NEK1: variants seen among roughly 807,000 people sequenced by gnomAD.
The protein encoded by NEK1 is serine/threonine-protein kinase Nek1.
A neutral mutation model predicts 182.1 loss-of-function variants in NEK1; 137 were observed. The ratio of observed to expected loss-of-function variants is 0.75; its 90% CI spans 0.65 to 0.87. The LOEUF (loss-of-function observed/expected upper bound fraction) is 0.87, where lower values mean the gene tolerates loss of function less well. Ranked by LOEUF, NEK1 falls within the 40% of genes least tolerant of loss-of-function variation. NEK1 has a pLI of 0.00. For missense variants in NEK1, 1,391 were observed against 1,494.4 expected, an observed-to-expected ratio of 0.93 and a Z score of 1.14; for synonymous variants, 513 against 492.2, an observed-to-expected ratio of 1.04 and a Z score of -0.56.
At chr4:169,528,992 G>A (rs1757290959) in intron 19 of NEK1, among the ~76,000 whole-genome samples, 1 of 152,072 alleles carries the variant, frequency 6.6e-6, no homozygotes, top group Non-Finnish European at 1.5e-5. Flanking sequence ...CAAACACTTG[G>A]AAATTAAACA....
At chr4:169,411,440 C>T (rs1055196759) in intron 31 of NEK1, among the ~76,000 whole-genome samples, 2 of 152,136 alleles carry the variant, frequency 1.3e-5, no homozygotes, top group African/African-American at 2.4e-5. Context: ...GACTTTCGGG[C>T]CTCAGCCTCC....
intron 19 of NEK1, among the ~76,000 whole-genome samples, chr4:169,520,992 C>T (rs2149745483): frequency 1.7e-5 from 1 of 57,572 alleles, no homozygotes; most frequent in East Asian, 4.3e-4. Flanking sequence ...GAGGTGGAGC[C>T]TACAGAGGCA....
chr4:169,432,706 AAAG>A (rs1197180709), intron 29 of NEK1, among the ~76,000 whole-genome samples: 12 of 152,210 alleles, frequency 7.9e-5, no homozygotes, highest in African/African-American at 2.9e-4. Context: ...GAAATATATG[AAAG>A]AAGACAAGAG....
intron 26 of NEK1, among the ~76,000 whole-genome samples, chr4:169,474,937 T>C (rs904967791): frequency 3.3e-5 from 5 of 152,134 alleles, no homozygotes; most frequent in African/African-American, 1.2e-4. Flanking sequence ...GTTATGCTGC[T>C]CCCTAAATAA....
rs543224510 is a variant in NEK1, at chr4:169,438,121, G to C, written c.2726C>G (p.Ser909Cys). ...TTCCAGTTTCAATGACATCTGTGGA[G>C]ATGCCTCACTGAACTCGGGACTTTT... ...ETKSPEFSEASPQMSLKLEGN... is the reference protein window; with the variant it reads ...ETKSPEFSEACPQMSLKLEGN... The change falls in exon 28 of 36, where the codon TCT (serine) becomes TGT (cysteine). Residue 909 changes from serine (S) to cysteine (C), a missense_variant. Transcript: ENST00000507142. 1.9e-4 allele frequency: 304 copies of C among 1,612,392 alleles called. 5 individuals are homozygous for C. The South Asian group carries it at 3.0e-3, about 16-fold the overall frequency.
At chr4:169,445,865 T>TATATACACACAC (rs569539235) in intron 27 of NEK1, among the ~76,000 whole-genome samples, 7,547 of 142,968 alleles carry the variant, frequency 0.053, 274 homozygotes, top group East Asian at 0.13. Context: ...TATATATATA[T>TATATACACACAC]ACACACACAC....
In NEK1 at chr4:169,450,644, G is replaced by T. The variant is rs140366698; in HGVS notation, c.2588-12385C>A. On this transcript the variant is annotated intron_variant, in intron 27 of 35. Transcript: ENST00000507142. ...AAGAAAATGCTGAGGGATTACAAGA[G>T]CTCCTGAAGGAAGCACTAAACATGG... Among the ~76,000 whole-genome samples the T allele has an allele frequency of 1.6e-3, 247 of 150,858 alleles. 2 individuals are homozygous for T. The highest frequency in any genetic ancestry group is 3.2e-3 in the Non-Finnish European group (213 of 67,112).
At position 169,424,679 on chromosome 4, in the gene NEK1, T is replaced by C. The variant is rs1433409962; in HGVS notation, c.3096A>G (p.Ser1032=). The C allele has an allele frequency of 1.9e-6, 3 of 1,613,916 alleles. No homozygotes were observed. The highest frequency in any genetic ancestry group is 2.5e-6 in the Non-Finnish European group (3 of 1,179,834). ...EHLNLVPQVQ[S]VQCSPEESFA... is the part of the protein sequence containing the mutation. ...AGGATTCTTCTGGTGAACACTGAAC[T>C]GATTGAACTTGAGGGACTAAGTTCA... Residue 1032 remains serine, a synonymous_variant, in exon 31 of 36, where the codon TCA becomes TCG. Transcript: ENST00000507142.
chr4:169,402,082 T>C (rs993358286), intron 32 of NEK1, among the ~76,000 whole-genome samples: 2 of 152,178 alleles, frequency 1.3e-5, no homozygotes, highest in African/African-American at 4.8e-5. Flanking sequence ...ACAACACATA[T>C]TCTGGAATAT....
intron 23 of NEK1, among the ~76,000 whole-genome samples, chr4:169,500,744 C>T (rs999263286): frequency 6.6e-6 from 1 of 152,066 alleles, no homozygotes; most frequent in African/African-American, 2.4e-5. Context: ...AGATAGGCCC[C>T]ACAAAAATGC....
rs146497883 is a variant in NEK1, at chr4:169,513,573, T to C, written c.1666-4721A>G. On this transcript the variant is annotated intron_variant, in intron 19 of 35. Transcript: ENST00000507142. ...ATTCTGTATGCCCCTTCTTGCTTTA[T>C]TGCAGTAACTACAACTTACAGTACA... 1.2e-3 allele frequency among the ~76,000 whole-genome samples: 187 copies of C among 152,314 alleles called. 2 individuals are homozygous for C. Among genetic ancestry groups the C allele is most frequent in the African/African-American group, 4.2e-3 (175 of 41,584 alleles).
intron 29 of NEK1, among the ~76,000 whole-genome samples, chr4:169,428,351 GATAT>G (rs60550267): frequency 3.8e-4 from 35 of 93,224 alleles, no homozygotes; most frequent in South Asian, 9.2e-4. Context: ...AAATATATGG[GATAT>G]ATATATATAT....
chr4:169,561,486 T>C lies in NEK1; in HGVS notation c.1260A>G (p.Glu420=). 9 of 1,613,520 alleles carry C rather than the reference T, an allele frequency of 5.6e-6. No homozygotes were observed. The highest frequency in any genetic ancestry group is 6.8e-6 in the Non-Finnish European group (8 of 1,179,598). The stretch of plus-strand genomic sequence containing the variant: ...ATTGGTATAAAATGCCTACCTTTAC[T>C]TCACCACTTCCACCAGCACTTAGCA... The part of the protein sequence containing the change: ...RNVLSAGGSG[E]VKAPFLGSGG... Residue 420 remains glutamate, a synonymous_variant, in exon 16 of 36, where the codon GAA becomes GAG. Coordinates refer to ENST00000507142, the MANE Select transcript of NEK1 (RefSeq NM_001199397.3).
intron 18 of NEK1, among the ~76,000 whole-genome samples, chr4:169,542,298 T>C (rs192479212): frequency 1.9e-3 from 288 of 152,026 alleles, no homozygotes; most frequent in Admixed American, 3.1e-3. Context: ...TTGCTGAGAA[T>C]GATGGTTACC....
At chr4:169,524,346 C>T (rs189017888) in intron 19 of NEK1, among the ~76,000 whole-genome samples, 4 of 151,942 alleles carry the variant, frequency 2.6e-5, no homozygotes, top group Admixed American at 2.0e-4. Flanking sequence ...TGCCTGTAAT[C>T]CCAGCTACTT....
At chr4:169,436,541 G>A (rs1453298202) in intron 28 of NEK1, among the ~76,000 whole-genome samples, 1 of 152,202 alleles carries the variant, frequency 6.6e-6, no homozygotes. Context: ...CATTCAAAGT[G>A]ACAGCTGCTT....
At chr4:169,585,118 G>A (rs1767318447) in intron 10 of NEK1, among the ~76,000 whole-genome samples, 1 of 152,154 alleles carries the variant, frequency 6.6e-6, no homozygotes. Context: ...GAGCCCAGGA[G>A]TTTGAGGCTG....
intron 16 of NEK1, among the ~76,000 whole-genome samples, chr4:169,559,378 C>T (rs1762579521): frequency 6.6e-6 from 1 of 152,074 alleles, no homozygotes; most frequent in South Asian, 2.1e-4. Flanking sequence ...CTAAGTCATT[C>T]CTGATCATTC....
intron 18 of NEK1, among the ~76,000 whole-genome samples, chr4:169,544,061 T>TG (rs1165226075): frequency 6.6e-6 from 1 of 152,202 alleles, no homozygotes; most frequent in Admixed American, 6.6e-5. Context: ...TGTCTTGTGC[T>TG]GGTTTTCAAA....
Sources: allele counts gnomAD v4.1 joint callset (sites outside exome capture counted in the v4.1 genomes callset), GRCh38; gene constraint gnomAD v4.1.1; transcripts MANE v1.5; gene names NCBI Gene and HGNC (gene_info 2026-07-23, HGNC 2026-07-21).